USP30: variants seen among roughly 807,000 people sequenced by gnomAD.
The protein encoded by USP30 is ubiquitin specific peptidase 30.
In USP30, 41 loss-of-function variants were observed where a neutral mutation model predicts 68.2. The observed-to-expected ratio is 0.60, with a 90% CI of 0.47 to 0.78. USP30 has a LOEUF of 0.78. USP30 is among the 30% of genes least tolerant of loss of function. The pLI, the probability that USP30 is intolerant of heterozygous loss-of-function variation, is 0.00. For synonymous variants in USP30, 229 were observed against 253.7 expected (o/e 0.90, Z 0.93); for missense variants, 522 against 649.4 (o/e 0.80, Z 2.13).
chr12:109,075,841 CTTT>C (rs34221615), intron 7 of USP30, among the ~76,000 whole-genome samples: 47 of 119,662 alleles, frequency 3.9e-4, no homozygotes, highest in Non-Finnish European at 6.2e-4. Flanking sequence ...GTTACTTTTT[CTTT>C]TTTTTTTTTT....
At chr12:109,058,138 T>G (rs1444582175) in intron 3 of USP30, 30 bp downstream of exon 3, 16 of 1,572,202 alleles carry the variant, frequency 1.0e-5, no homozygotes, top group South Asian at 7.1e-5. Flanking sequence ...AAGGGAATTA[T>G]GTACCTTTTC....
chr12:109,072,794 C>T (rs1420137289), intron 6 of USP30, among the ~76,000 whole-genome samples: 2 of 152,118 alleles, frequency 1.3e-5, no homozygotes, highest in African/African-American at 4.8e-5. Context: ...TTTTTGAGCC[C>T]ATGCTGTTTG....
chr12:109,026,889 C>A (rs2040448972), intron 2 of USP30, among the ~76,000 whole-genome samples: 1 of 152,162 alleles, frequency 6.6e-6, no homozygotes, highest in Non-Finnish European at 1.5e-5. Flanking sequence ...TCTGTGCTTA[C>A]ATGCTCTTTC....
rs775670436 is a variant in USP30, at chr12:109,058,071, C to G, written c.339C>G (p.His113Gln). 6.2e-7 allele frequency: 1 copy of G among 1,613,818 alleles called. No homozygotes were observed. Among genetic ancestry groups the G allele is most frequent in the Non-Finnish European group, 8.5e-7 (1 of 1,179,952 alleles). Residue 113 changes from histidine to glutamine, a missense_variant, in exon 3 of 13, where the codon CAC becomes CAG. Coordinates refer to ENST00000257548, the MANE Select transcript of USP30 (RefSeq NM_032663.5). Reference protein sequence around the residue: ...YSRDQKEPPSHQYLSLTLLHL... With the variant: ...YSRDQKEPPSQQYLSLTLLHL... ...GGGATCAGAAGGAGCCCCCCTCACACCAGTATTTATCCTTAACACTCTTGC... is the reference window on the plus strand; with the variant it reads ...GGGATCAGAAGGAGCCCCCCTCACAGCAGTATTTATCCTTAACACTCTTGC...
At position 109,070,143 on chromosome 12, in the gene USP30, T is replaced by C. The variant is rs1227230593; in HGVS notation, c.481-1469T>C. On this transcript the variant is annotated intron_variant, in intron 4 of 12. Transcript: ENST00000257548. The surrounding 1 kb of genome is among the most constrained non-coding windows in gnomAD (Gnocchi z 4.0). ...ATCTGACTTGTTAGAAAAGGAAGGC[T>C]GGAGGGGCAAGAATGCAAGCCGAGA... Among the ~76,000 whole-genome samples, 5 of 152,008 alleles carry C rather than the reference T, an allele frequency of 3.3e-5. No homozygotes were observed. The highest frequency in any genetic ancestry group is 1.2e-4 in the African/African-American group (5 of 41,348).
chr12:109,068,262 C>T lies in USP30; in HGVS notation c.480+635C>T, dbSNP rs148982278. Among the ~76,000 whole-genome samples the T allele has an allele frequency of 4.4e-3, 673 of 152,312 alleles. 4 individuals are homozygous for T. Among genetic ancestry groups the T allele is most frequent in the Non-Finnish European group, 6.6e-3 (447 of 68,026 alleles). On this transcript the variant is annotated intron_variant, in intron 4 of 12. Transcript: ENST00000257548. Reference sequence around the variant, plus strand: ...GCCCCCAGTGACATACAGGTGCATCCTCCACAGCCACACTTCCAAGATGGC... The same window carrying T: ...GCCCCCAGTGACATACAGGTGCATCTTCCACAGCCACACTTCCAAGATGGC...
intron 7 of USP30, among the ~76,000 whole-genome samples, chr12:109,078,550 G>C (rs2041684355): frequency 6.6e-6 from 1 of 150,380 alleles, no homozygotes; most frequent in Non-Finnish European, 1.5e-5. Flanking sequence ...AGTGAGCCGA[G>C]ATCACACCAC....
chr12:109,074,705 CTG>C (rs148377443), intron 7 of USP30, among the ~76,000 whole-genome samples: 6 of 151,116 alleles, frequency 4.0e-5, no homozygotes, highest in South Asian at 2.1e-4. Flanking sequence ...TGATGTATGA[CTG>C]TGTGTGTGTG....
Position 109,039,910 on chromosome 12 carries a change from G to A in USP30, c.-135-7680G>A, listed in dbSNP as rs114118250. ...AGGCGTGAACCACCACACCTGGCCA[G>A]CCATTTTCTTTCTTTCTCTATCTCA... is the stretch of plus-strand genomic sequence containing the variant. On this transcript the variant is annotated intron_variant, in intron 3 of 15. Transcript: ENST00000392784. 4.1e-3 allele frequency among the ~76,000 whole-genome samples: 619 copies of A among 152,094 alleles called. 6 individuals carry two copies. The highest frequency in any genetic ancestry group is 0.015 in the African/African-American group (603 of 41,506).
Position 109,072,285 on chromosome 12 carries a change from T to C in USP30, c.580-20T>C. 2 of 1,612,178 alleles carry C rather than the reference T, an allele frequency of 1.2e-6. No homozygotes were observed. The highest frequency in any genetic ancestry group is 1.7e-6 in the Non-Finnish European group (2 of 1,178,642). ...TTATAGTAAGGTTTTCAGTCTGTTT[T>C]TTTTTTTTCTCCCCTACAGCAGCAG... On this transcript the variant is annotated intron_variant, in intron 5 of 12. Transcript: ENST00000257548.
At chr12:109,060,312 A>G (rs886467250) in intron 3 of USP30, among the ~76,000 whole-genome samples, 1 of 152,234 alleles carries the variant, frequency 6.6e-6, no homozygotes, top group Non-Finnish European at 1.5e-5. Context: ...ATTTTTGGAA[A>G]AAAACTATAC....
At chr12:109,050,774 C>T (rs571186021), upstream of USP30, among the ~76,000 whole-genome samples, 15 of 151,746 alleles carry the variant, frequency 9.9e-5, no homozygotes, top group Admixed American at 2.0e-4. Context: ...TTTGGGAGCC[C>T]GAGGCGGATG....
intron 9 of USP30, among the ~76,000 whole-genome samples, chr12:109,082,240 G>A (rs534838261): frequency 3.3e-5 from 5 of 152,300 alleles, no homozygotes; most frequent in African/African-American, 1.2e-4. Context: ...AAACTGTCAC[G>A]CTGAGATGAG....
chr12:109,023,563 A>C (rs1344605604), intron 1 of USP30, among the ~76,000 whole-genome samples: 1 of 151,492 alleles, frequency 6.6e-6, no homozygotes, highest in Non-Finnish European at 1.5e-5. Flanking sequence ...TCAATAAATA[A>C]ATAAATAAAT....
chr12:109,048,507 C>T (rs963607408), upstream of USP30, among the ~76,000 whole-genome samples: 1 of 151,762 alleles, frequency 6.6e-6, no homozygotes, highest in Non-Finnish European at 1.5e-5. Flanking sequence ...GTGGTGATTC[C>T]GTATCTTGAT....
intron 3 of USP30, among the ~76,000 whole-genome samples, chr12:109,041,951 TC>T (rs1214865252): frequency 6.6e-6 from 1 of 152,108 alleles, no homozygotes; most frequent in Non-Finnish European, 1.5e-5. Context: ...AGAGTATCTC[TC>T]AAATTATTTT....
At position 109,067,468 on chromosome 12, in the gene USP30, C is replaced by G. The variant is rs572895896; in HGVS notation, c.377-56C>G. 9.4e-6 allele frequency: 14 copies of G among 1,488,606 alleles called. No homozygotes were observed. In the African/African-American group the frequency reaches 1.7e-4, roughly 18 times the overall value. The allele number at this position is 1,488,606 out of a possible 1,614,324, so 92.2% of individuals were successfully genotyped here. Reference sequence around the variant, plus strand: ...TGATATGTTATACTGTGCAAGTTTTCTGGTTAGTTGTTATGCTGATGAATT... The same window carrying G: ...TGATATGTTATACTGTGCAAGTTTTGTGGTTAGTTGTTATGCTGATGAATT... On this transcript the variant is annotated intron_variant, in intron 3 of 12. Transcript: ENST00000257548.
chr12:109,033,957 G>A (rs758600260), intron 3 of USP30, among the ~76,000 whole-genome samples: 2 of 152,170 alleles, frequency 1.3e-5, no homozygotes, highest in Non-Finnish European at 2.9e-5. Flanking sequence ...TTGCTCAAAG[G>A]ACAAACTCCA....
chr12:109,072,477 A>G, intron 6 of USP30, 127 bp downstream of exon 6: 1 of 854,822 alleles, frequency 1.2e-6, no homozygotes. Context: ...ATGTGCTTGC[A>G]AAGGAACTTG....
Sources: gnomAD v4.1 joint callset for allele counts (sites outside exome capture counted in the v4.1 genomes callset) on GRCh38, gnomAD v4.1.1 for gene constraint, Gnocchi (gnomAD v3.1) non-coding constraint, MANE v1.5 for transcripts, NCBI Gene and HGNC (gene_info 2026-07-23, HGNC 2026-07-21) for gene names.